The following DOCK4 variants were observed in gnomAD, a reference collection of about 807,000 sequenced individuals.
The protein encoded by DOCK4 is dedicator of cytokinesis protein 4.
A neutral mutation model predicts 268.1 loss-of-function variants in DOCK4; 97 were observed. The ratio of observed to expected loss-of-function variants is 0.36; its 90% CI spans 0.31 to 0.43. The LOEUF (loss-of-function observed/expected upper bound fraction) is 0.43. Among genes scored for constraint, DOCK4 ranks in the 20% least tolerant of loss-of-function variants. The probability of loss-of-function intolerance (pLI) is 1.00; values close to 1 mark genes in which losing one functional copy is unlikely to be tolerated. For synonymous variants in DOCK4, 954 were observed against 887.2 expected, an observed-to-expected ratio of 1.08 and a Z score of -1.34; for missense variants, 2,145 against 2,455.7, an observed-to-expected ratio of 0.87 and a Z score of 2.67.
At chr7:112,111,434 C>T (rs1811644756) in intron 1 of DOCK4, among the ~76,000 whole-genome samples, 1 of 152,198 alleles carries the variant, frequency 6.6e-6, no homozygotes, top group African/African-American at 2.4e-5. Context: ...ACTTTAATTT[C>T]ACAAATTGGT....
At chr7:112,111,833 G>A (rs1563095431) in intron 1 of DOCK4, among the ~76,000 whole-genome samples, 1 of 152,138 alleles carries the variant, frequency 6.6e-6, no homozygotes, top group Admixed American at 6.5e-5. Flanking sequence ...AGTTGAGTAG[G>A]CTACATAAAA....
chr7:112,112,227 T>A (rs1327425321), intron 1 of DOCK4, among the ~76,000 whole-genome samples: 1 of 152,140 alleles, frequency 6.6e-6, no homozygotes, highest in Non-Finnish European at 1.5e-5. Flanking sequence ...TGAGTTCATA[T>A]GAGAACTGGT....
chr7:112,031,973 T>G (rs1320037914), intron 1 of DOCK4, among the ~76,000 whole-genome samples: 1 of 152,146 alleles, frequency 6.6e-6, no homozygotes, highest in East Asian at 1.9e-4. Context: ...GGCAGTGGGT[T>G]TGCAAGATAA....
At chr7:112,035,728 C>T (rs934357597) in intron 1 of DOCK4, among the ~76,000 whole-genome samples, 5 of 152,116 alleles carry the variant, frequency 3.3e-5, no homozygotes, top group African/African-American at 1.2e-4. Flanking sequence ...TTGTTCTGCA[C>T]ACAGAAGTGT....
intron 41 of DOCK4, among the ~76,000 whole-genome samples, chr7:111,757,846 T>A (rs1464113352): frequency 1.3e-5 from 2 of 152,074 alleles, no homozygotes; most frequent in Non-Finnish European, 2.9e-5. Context: ...CTCACAAAAA[T>A]AAGCTAATTT....
intron 36 of DOCK4, among the ~76,000 whole-genome samples, chr7:111,771,334 T>A (rs375909420): frequency 2.0e-5 from 3 of 152,302 alleles, no homozygotes; most frequent in South Asian, 2.1e-4. Context: ...CATTATCCAC[T>A]TTCCAGGAAT....
Position 111,847,015 on chromosome 7 carries a change from A to G in DOCK4, c.2585T>C (p.Ile862Thr), listed in dbSNP as rs1167770261. Reference sequence around the variant, plus strand: ...TTTACTTACTGAGCTATTTTTCTTGATAAGACAAAATACGTTGCTAAGGAT... The same window carrying G: ...TTTACTTACTGAGCTATTTTTCTTGGTAAGACAAAATACGTTGCTAAGGAT... ...ARILSNVFCL[I>T]KKNSSEKSVL... is the part of the protein sequence containing the mutation. Residue 862 changes from isoleucine to threonine, a missense_variant, in exon 24 of 53, where the codon ATC becomes ACC. This residue lies in a region of DOCK4 where 1,598 missense variants were observed against 1,986.7 expected (regional missense o/e 0.80). Coordinates refer to ENST00000428084, the MANE Select transcript of DOCK4 (RefSeq NM_001363540.2). 6.2e-7 allele frequency: 1 copy of G among 1,613,680 alleles called. No homozygotes were observed. Among genetic ancestry groups the G allele is most frequent in the East Asian group, 2.2e-5 (1 of 44,856 alleles).
intron 1 of DOCK4, among the ~76,000 whole-genome samples, chr7:112,045,688 G>T (rs1804767606): frequency 6.6e-6 from 1 of 152,166 alleles, no homozygotes; most frequent in Admixed American, 6.6e-5. Flanking sequence ...AATATCTGAG[G>T]ATATTCTTAA....
chr7:111,930,334 G>A (rs1794097980), intron 12 of DOCK4, among the ~76,000 whole-genome samples: 1 of 152,090 alleles, frequency 6.6e-6, no homozygotes. Flanking sequence ...AGGTTAGAGG[G>A]GAAAAAAGCC....
chr7:112,128,431 T>C (rs1304782427), intron 1 of DOCK4, among the ~76,000 whole-genome samples: 1 of 152,046 alleles, frequency 6.6e-6, no homozygotes, highest in African/African-American at 2.4e-5. Flanking sequence ...CAACAGCTCA[T>C]TGAGAACGGG....
intron 36 of DOCK4, among the ~76,000 whole-genome samples, chr7:111,774,520 C>T (rs755072791): frequency 1.3e-5 from 2 of 151,694 alleles, no homozygotes; most frequent in African/African-American, 4.8e-5. Flanking sequence ...AAAAAAGAGA[C>T]GGGGAAATCA....
At chr7:111,846,289 G>A (rs886220619) in intron 24 of DOCK4, among the ~76,000 whole-genome samples, 2 of 152,200 alleles carry the variant, frequency 1.3e-5, no homozygotes, top group Non-Finnish European at 2.9e-5. Context: ...TGAGCAAAAT[G>A]GTTAACAGTT....
intron 12 of DOCK4, among the ~76,000 whole-genome samples, chr7:111,916,106 G>A (rs1036892261): frequency 6.6e-6 from 1 of 152,060 alleles, no homozygotes; most frequent in Non-Finnish European, 1.5e-5. Context: ...CATTCATAAG[G>A]AGGTTCATAG....
chr7:111,734,299 A>T (rs1795317463), intron 51 of DOCK4, among the ~76,000 whole-genome samples: 1 of 152,080 alleles, frequency 6.6e-6, no homozygotes, highest in Admixed American at 6.6e-5. Context: ...TTCTGGGCTC[A>T]AGCCATCCTC....
Position 111,769,601 on chromosome 7 carries a change from G to A in DOCK4, c.3756C>T (p.Tyr1252=), listed in dbSNP as rs1045891843. The A allele has an allele frequency of 2.5e-6, 4 of 1,613,688 alleles. 1 individual carries two copies. The highest frequency in any genetic ancestry group is 3.3e-5 in the Admixed American group (2 of 59,980). ...SDRPLREFLT[Y]PMQTEWQRKE... is the part of the protein sequence containing the mutation. ...TGCGCTGCCATTCTGTTTGCATGGGGTAGGTCAGGAACTCCCTGAGGGGCC... is the reference window on the plus strand; with the variant it reads ...TGCGCTGCCATTCTGTTTGCATGGGATAGGTCAGGAACTCCCTGAGGGGCC... The change falls in exon 37 of 53, where the codon TAC becomes TAT. Residue 1252 remains tyrosine, a synonymous_variant. Coordinates refer to ENST00000428084, the MANE Select transcript of DOCK4 (RefSeq NM_001363540.2).
intron 1 of DOCK4, among the ~76,000 whole-genome samples, chr7:112,061,540 C>CCATCCTTA (rs1806394042): frequency 1.3e-5 from 2 of 151,736 alleles, no homozygotes; most frequent in Admixed American, 1.3e-4. Context: ...TTCTAACACT[C>CCATCCTTA]CATCCTTACA....
intron 30 of DOCK4, among the ~76,000 whole-genome samples, chr7:111,801,914 G>GAT (rs923540768): frequency 2.7e-5 from 4 of 150,112 alleles, no homozygotes; most frequent in African/African-American, 9.9e-5. Context: ...TGTTAGCCAG[G>GAT]ATAGTCTTAA....
chr7:112,057,097 G>A (rs1805885461), intron 1 of DOCK4, among the ~76,000 whole-genome samples: 1 of 152,038 alleles, frequency 6.6e-6, no homozygotes, highest in Non-Finnish European at 1.5e-5. Flanking sequence ...GTATCACAAA[G>A]AATTAAGCTA....
chr7:112,135,118 A>G (rs998314402), intron 1 of DOCK4, among the ~76,000 whole-genome samples: 26 of 152,266 alleles, frequency 1.7e-4, no homozygotes, highest in African/African-American at 5.8e-4. Flanking sequence ...CTTAAGGCAT[A>G]ATTTGTTTTA....
Sources: gnomAD v4.1 joint callset for allele counts (sites outside exome capture counted in the v4.1 genomes callset) on GRCh38, gnomAD v4.1.1 for gene constraint, gnomAD v4.1.1 regional missense constraint, MANE v1.5 for transcripts, NCBI Gene and HGNC (gene_info 2026-07-23, HGNC 2026-07-21) for gene names.